The following ATP11A variants were observed in gnomAD, a reference collection of about 807,000 sequenced individuals.
The protein encoded by ATP11A is phospholipid-transporting ATPase IH.
Under a neutral mutation model 154.4 loss-of-function variants are expected in ATP11A, and 81 were observed. The ratio of observed to expected loss-of-function variants is 0.52; its 90% CI spans 0.44 to 0.63. ATP11A has a LOEUF of 0.63. Among genes scored for constraint, ATP11A ranks in the 30% least tolerant of loss-of-function variants. The pLI is 0.00. For synonymous variants in ATP11A, 623 were observed against 585.9 expected (o/e 1.06, Z -0.91); for missense variants, 1,316 against 1,474.3 (o/e 0.89, Z 1.76).
At chr13:112,718,876 T>C (rs1355761046) in intron 1 of ATP11A, among the ~76,000 whole-genome samples, 4 of 152,070 alleles carry the variant, frequency 2.6e-5, no homozygotes, top group Non-Finnish European at 5.9e-5. Context: ...GATGGGGTTT[T>C]ACCATGTTGG....
chr13:112,861,189 C>T (rs2140360885), intron 24 of ATP11A, among the ~76,000 whole-genome samples: 1 of 152,292 alleles, frequency 6.6e-6, no homozygotes, highest in East Asian at 1.9e-4. Context: ...AAAAAACCAC[C>T]CCCATGACTC....
chr13:112,710,562 G>A (rs1887617603), intron 1 of ATP11A, among the ~76,000 whole-genome samples: 1 of 152,236 alleles, frequency 6.6e-6, no homozygotes, highest in Non-Finnish European at 1.5e-5. Context: ...AGGGCTCCAG[G>A]AGGCGGCGGA....
intron 9 of ATP11A, among the ~76,000 whole-genome samples, chr13:112,824,025 T>C (rs895204641): frequency 2.6e-5 from 4 of 152,250 alleles, no homozygotes; most frequent in African/African-American, 9.6e-5. Flanking sequence ...GTTATTTTTA[T>C]TGGGGATTTT....
chr13:112,695,180 C>T (rs973334354), intron 1 of ATP11A, among the ~76,000 whole-genome samples: 1 of 152,220 alleles, frequency 6.6e-6, no homozygotes, highest in African/African-American at 2.4e-5. Context: ...GTCTACACCA[C>T]AGGAGCACTA....
chr13:112,711,663 G>C (rs1485927717), intron 1 of ATP11A, among the ~76,000 whole-genome samples: 2 of 152,364 alleles, frequency 1.3e-5, no homozygotes, highest in African/African-American at 4.8e-5. Context: ...CCAGGGGTCA[G>C]GGCTTTGGAC....
intron 2 of ATP11A, among the ~76,000 whole-genome samples, chr13:112,803,752 CATTCCCCTCCTTCCCTCCTTCCTCTCCCT>C: frequency 5.4e-5 from 6 of 110,292 alleles, no homozygotes; most frequent in African/African-American, 2.4e-4. Context: ...CTCCTTCTCT[CATTCCCCTCCTTCCCTCCTTCCTCTCCCT>C]CCCCTCCCTG....
At chr13:112,812,059 GTTC>G (rs1485326210) in intron 5 of ATP11A, 7 of 152,220 alleles carry the variant, frequency 4.6e-5, no homozygotes, top group African/African-American at 1.2e-4. Context: ...GAATATTACA[GTTC>G]TTCTTGAAGG....
intron 12 of ATP11A, among the ~76,000 whole-genome samples, chr13:112,830,744 G>A (rs899463936): frequency 2.6e-5 from 4 of 152,156 alleles, no homozygotes; most frequent in Non-Finnish European, 5.9e-5. Flanking sequence ...AGATGCTGCC[G>A]TGCGTTCCAG....
Position 112,819,409 on chromosome 13 carries a change from T to C in ATP11A, c.674+2T>C. 1 of 1,614,158 alleles carries C rather than the reference T, an allele frequency of 6.2e-7. No homozygotes were observed. The highest frequency in any genetic ancestry group is 8.5e-7 in the Non-Finnish European group (1 of 1,179,966). ...GCAGCCCCAGCCCGACCTCTACAAG[T>C]AAGCGGGAGCTTTGGGTTCTTTAGA... On this transcript the variant is annotated splice_donor_variant, in intron 7 of 29. Transcript: ENST00000375645. LOFTEE classifies it high-confidence loss of function.
intron 13 of ATP11A, 144 bp downstream of exon 13, chr13:112,831,692 T>C (rs2079090119): frequency 2.2e-6 from 2 of 922,754 alleles, no homozygotes; most frequent in East Asian, 2.6e-5. Flanking sequence ...GAAGGTGCGA[T>C]GTGTGTGGTG....
intron 1 of ATP11A, among the ~76,000 whole-genome samples, chr13:112,782,520 G>T (rs1336530265): frequency 1.3e-5 from 2 of 152,244 alleles, no homozygotes; most frequent in African/African-American, 4.8e-5. Context: ...TATGTTCTGT[G>T]AAAACAAAGG....
intron 26 of ATP11A, among the ~76,000 whole-genome samples, chr13:112,872,615 A>C (rs541166385): frequency 6.6e-6 from 1 of 152,354 alleles, no homozygotes; most frequent in East Asian, 1.9e-4. Context: ...TCTCAAAAAA[A>C]TTTTAAGAAG....
At chr13:112,723,855 C>G (rs1450662067) in intron 1 of ATP11A, among the ~76,000 whole-genome samples, 1 of 152,174 alleles carries the variant, frequency 6.6e-6, no homozygotes, top group Non-Finnish European at 1.5e-5. Flanking sequence ...GTGTGCATAT[C>G]TGGTCCTCTG....
intron 1 of ATP11A, among the ~76,000 whole-genome samples, chr13:112,744,264 C>T (rs891117091): frequency 7.3e-5 from 11 of 151,596 alleles, no homozygotes; most frequent in South Asian, 2.1e-4. Flanking sequence ...TCTGTCCTCC[C>T]GGCACCCGGC....
At position 112,754,513 on chromosome 13, in the gene ATP11A, G is replaced by A. The variant is rs1216329257; in HGVS notation, c.40-30622G>A. 1.4e-5 allele frequency: 2 copies of A among 147,698 alleles called. No individual in the cohort carries two copies. Among genetic ancestry groups the A allele is most frequent in the Non-Finnish European group, 2.9e-5 (2 of 69,626 alleles). The allele number at this position is 147,698 out of a possible 1,614,324, so 9.1% of individuals were successfully genotyped here. On this transcript the variant is annotated intron_variant, in intron 1 of 29. Transcript: ENST00000375645. This position sits in a 1 kb window ranked among gnomAD's most constrained non-coding sequence, Gnocchi z 5.3. ...ATTCACCTGCCAAAGCTGCATGCTT[G>A]GAAAGTGGTGCTTAGAGCCAGGCAG...
intron 1 of ATP11A, among the ~76,000 whole-genome samples, chr13:112,780,925 G>A (rs987328075): frequency 6.6e-6 from 1 of 152,120 alleles, no homozygotes; most frequent in Non-Finnish European, 1.5e-5. Context: ...TGGGAACGCG[G>A]AGAGAGAGAG....
intron 1 of ATP11A, among the ~76,000 whole-genome samples, chr13:112,766,467 C>G (rs1047476332): frequency 3.9e-5 from 6 of 152,186 alleles, no homozygotes; most frequent in African/African-American, 1.4e-4. Flanking sequence ...CTCTCTTTCC[C>G]AGACTGTCCT....
intron 17 of ATP11A, among the ~76,000 whole-genome samples, chr13:112,850,257 T>C (rs1383413249): frequency 6.6e-6 from 1 of 152,228 alleles, no homozygotes; most frequent in Non-Finnish European, 1.5e-5. Context: ...CTTTTACTAT[T>C]ATCAGTAGGG....
chr13:112,879,483 A>C (rs1386985496), intron 29 of ATP11A, among the ~76,000 whole-genome samples: 1 of 152,256 alleles, frequency 6.6e-6, no homozygotes, highest in Non-Finnish European at 1.5e-5. Flanking sequence ...TGATTAAATC[A>C]TGCCAACTCT....
Sources: gnomAD v4.1 joint callset for allele counts (sites outside exome capture counted in the v4.1 genomes callset) on GRCh38, gnomAD v4.1.1 for gene constraint, Gnocchi (gnomAD v3.1) non-coding constraint, MANE v1.5 for transcripts, NCBI Gene and HGNC (gene_info 2026-07-23, HGNC 2026-07-21) for gene names.